UBE2R2: variants seen among roughly 807,000 people sequenced by gnomAD.
The protein encoded by UBE2R2 is ubiquitin-conjugating enzyme E2 R2.
In UBE2R2, 1 loss-of-function variant was observed where a neutral mutation model predicts 27.8. The observed-to-expected ratio is 0.04, with a 90% CI of 0.01 to 0.17. The LOEUF (loss-of-function observed/expected upper bound fraction) is 0.17, where lower values mean the gene tolerates loss of function less well. UBE2R2 is among the 10% of genes least tolerant of loss of function. The pLI is 1.00. For missense variants in UBE2R2, 100 were observed against 291.0 expected (o/e 0.34, Z 4.78); for synonymous variants, 106 against 113.3 (o/e 0.94, Z 0.41).
rs1300475790 is a variant in UBE2R2 at position 33,829,865 on chromosome 9, G to A, written c.177+11931G>A. Among the ~76,000 whole-genome samples the A allele has an allele frequency of 2.8e-5, 4 of 143,024 alleles. No homozygotes were observed. The East Asian group carries it at 6.3e-4, about 22-fold the overall frequency. 93.8% of individuals were successfully genotyped at this position (143,024 alleles called of 152,430 possible). On this transcript the variant is annotated intron_variant, in intron 1 of 4. Coordinates refer to ENST00000263228, the MANE Select transcript of UBE2R2 (RefSeq NM_017811.4). ...GACTGGAGTGCAGTGGCACAATCTC[G>A]GCTCACCGCAACCTCCGCCTCCTGG...
At chr9:33,823,474 CA>C (rs1820214411) in intron 1 of UBE2R2, among the ~76,000 whole-genome samples, 1 of 152,242 alleles carries the variant, frequency 6.6e-6, no homozygotes, top group African/African-American at 2.4e-5. Context: ...CTCCCGGGTT[CA>C]AGCAGTTCTC....
intron 1 of UBE2R2, among the ~76,000 whole-genome samples, chr9:33,839,434 C>T (rs1372706291): frequency 2.0e-5 from 3 of 152,056 alleles, no homozygotes; most frequent in African/African-American, 2.4e-5. Context: ...GACGGAGTTT[C>T]GCCATGATGG....
chr9:33,861,828 C>T (rs556259113), intron 1 of UBE2R2, among the ~76,000 whole-genome samples: 2 of 150,046 alleles, frequency 1.3e-5, no homozygotes, highest in Admixed American at 6.7e-5. Flanking sequence ...CCCAGAGATA[C>T]CATTTGTTGA....
chr9:33,917,000 G>A lies in UBE2R2; in HGVS notation c.498-18G>A. ...AAAAGACTTACCGTAAACCATTTCT[G>A]TGTCAACCTCCCTTCAGGAAACAAG... is the stretch of plus-strand genomic sequence containing the variant. On this transcript the variant is annotated intron_variant, in intron 4 of 4. Transcript: ENST00000263228. 3 of 1,613,788 alleles carry A rather than the reference G, an allele frequency of 1.9e-6. No homozygotes were observed. Among genetic ancestry groups the A allele is most frequent in the Non-Finnish European group, 2.5e-6 (3 of 1,179,924 alleles).
chr9:33,861,979 A>C (rs527336242), intron 1 of UBE2R2, among the ~76,000 whole-genome samples: 1 of 148,974 alleles, frequency 6.7e-6, no homozygotes, highest in Non-Finnish European at 1.5e-5. Context: ...TCAGCCTCCC[A>C]TGTAGCTGGG....
intron 1 of UBE2R2, among the ~76,000 whole-genome samples, chr9:33,852,890 C>T (rs947115263): frequency 2.0e-5 from 3 of 152,092 alleles, no homozygotes; most frequent in Admixed American, 2.0e-4. Context: ...CACCTGTAAT[C>T]CCAGCTACTT....
At chr9:33,869,877 G>A (rs535413795) in intron 1 of UBE2R2, among the ~76,000 whole-genome samples, 6 of 151,256 alleles carry the variant, frequency 4.0e-5, no homozygotes, top group East Asian at 3.9e-4. Flanking sequence ...ATGGAGTTTC[G>A]CTCTTGTTGC....
intron 1 of UBE2R2, among the ~76,000 whole-genome samples, chr9:33,827,195 G>T (rs1820333607): frequency 1.3e-5 from 2 of 152,168 alleles, no homozygotes; most frequent in African/African-American, 4.8e-5. Context: ...ATGGCAGTTT[G>T]TGTCTTTGGT....
At chr9:33,871,152 G>A (rs579004) in intron 1 of UBE2R2, among the ~76,000 whole-genome samples, 6,149 of 152,246 alleles carry the variant, frequency 0.04, 276 homozygotes, top group African/African-American at 0.1. Context: ...TAAGCAACTA[G>A]TAGAGATTTC....
chr9:33,886,524 G>A (rs1043376513), intron 1 of UBE2R2, among the ~76,000 whole-genome samples: 8 of 151,920 alleles, frequency 5.3e-5, no homozygotes, highest in South Asian at 2.1e-4. Context: ...ACGTGGTGGC[G>A]TGCACCTGTA....
At chr9:33,883,934 G>A (rs969520785) in intron 1 of UBE2R2, among the ~76,000 whole-genome samples, 5 of 152,044 alleles carry the variant, frequency 3.3e-5, no homozygotes, top group South Asian at 2.1e-4. Context: ...AGGCCGAGGC[G>A]TGGGGATTGC....
chr9:33,868,177 C>T (rs897250855), intron 1 of UBE2R2, among the ~76,000 whole-genome samples: 3 of 152,070 alleles, frequency 2.0e-5, no homozygotes, highest in South Asian at 2.1e-4. Flanking sequence ...TGAAGATAGC[C>T]GAATTTTTCC....
At chr9:33,834,113 A>G (rs1237169060) in intron 1 of UBE2R2, among the ~76,000 whole-genome samples, 4 of 151,480 alleles carry the variant, frequency 2.6e-5, no homozygotes, top group African/African-American at 9.7e-5. Context: ...GGTAGACTCT[A>G]GAGTCCCACA....
At chr9:33,860,353 T>C (rs1356051212) in intron 1 of UBE2R2, among the ~76,000 whole-genome samples, 1 of 152,180 alleles carries the variant, frequency 6.6e-6, no homozygotes, top group African/African-American at 2.4e-5. Context: ...AAGTGGCAGA[T>C]ACATTTTTGG....
intron 1 of UBE2R2, among the ~76,000 whole-genome samples, chr9:33,847,723 G>T (rs1820876967): frequency 6.8e-6 from 1 of 147,100 alleles, no homozygotes; most frequent in Admixed American, 6.8e-5. Context: ...TGTTTTCTGT[G>T]CTTCAGTTTG....
intron 1 of UBE2R2, among the ~76,000 whole-genome samples, chr9:33,822,194 C>T (rs892647411): frequency 8.7e-5 from 13 of 148,824 alleles, no homozygotes; most frequent in African/African-American, 2.7e-4. Flanking sequence ...TGGGTTCAAG[C>T]GATTCTTCTG....
At chr9:33,823,287 C>T (rs1020936431) in intron 1 of UBE2R2, among the ~76,000 whole-genome samples, 10 of 152,116 alleles carry the variant, frequency 6.6e-5, no homozygotes, top group African/African-American at 2.2e-4. Context: ...ATCCTCCCGC[C>T]TCAGCCTCCC....
chr9:33,908,231 T>C (rs1822405399), intron 3 of UBE2R2, among the ~76,000 whole-genome samples: 1 of 152,224 alleles, frequency 6.6e-6, no homozygotes. Context: ...AGGAGACCAA[T>C]GCTGTCAGCT....
At chr9:33,913,180 C>T (rs533463735) in intron 4 of UBE2R2, among the ~76,000 whole-genome samples, 22 of 152,184 alleles carry the variant, frequency 1.4e-4, no homozygotes, top group African/African-American at 4.1e-4. Context: ...AAGCTAGTCT[C>T]GAACTCCTGA....
Sources: allele counts gnomAD v4.1 joint callset (sites outside exome capture counted in the v4.1 genomes callset), GRCh38; gene constraint gnomAD v4.1.1; transcripts MANE v1.5; gene names NCBI Gene and HGNC (gene_info 2026-07-23, HGNC 2026-07-21).